The following LIPA variants were observed in gnomAD, a reference collection of about 807,000 sequenced individuals.
The protein encoded by LIPA is lipase A, lysosomal acid type.
Under a neutral mutation model 40.6 loss-of-function variants are expected in LIPA, and 26 were observed. The ratio of observed to expected loss-of-function variants is 0.64; its 90% CI spans 0.47 to 0.89. The LOEUF (loss-of-function observed/expected upper bound fraction) is 0.89, where lower values mean the gene tolerates loss of function less well. Ranked by LOEUF, LIPA falls within the 40% of genes least tolerant of loss-of-function variation. LIPA has a pLI of 0.00. For missense variants in LIPA, 455 were observed against 479.6 expected (o/e 0.95, Z 0.48); for synonymous variants, 188 against 168.4 (o/e 1.12, Z -0.90).
In LIPA at chr10:89,309,811, C is replaced by T. The variant is rs142294311; in HGVS notation, c.-2+32800G>A. Among the ~76,000 whole-genome samples the T allele has an allele frequency of 1.6e-4, 24 of 152,232 alleles. No individual in the cohort carries two copies. In the East Asian group the frequency reaches 4.6e-3, roughly 29 times the overall value. ...TCCAGTTTCCTGAAATTTCACTATC[C>T]AAGAATAACAAATGAAGTCACATTA... On this transcript the variant is annotated intron_variant, in intron 1 of 5. Coordinates refer to the LIPA transcript ENST00000282673.
chr10:89,390,175 G>A (rs1402625329), intron 2 of LIPA, among the ~76,000 whole-genome samples: 1 of 151,784 alleles, frequency 6.6e-6, no homozygotes, highest in African/African-American at 2.4e-5. Flanking sequence ...TAGTAGAGAC[G>A]GGGTTTCTCC....
chr10:89,340,175 G>A, intron 1 of LIPA: 1 of 1,519,480 alleles, frequency 6.6e-7, no homozygotes. Flanking sequence ...TGGTGGTTGT[G>A]ACGGGTAGGA....
At chr10:89,351,271 A>G (rs1470071233) in intron 2 of LIPA, among the ~76,000 whole-genome samples, 2 of 152,222 alleles carry the variant, frequency 1.3e-5, no homozygotes, top group African/African-American at 4.8e-5. Flanking sequence ...AGCTGTAATC[A>G]TGCCACTGCA....
chr10:89,262,477 G>T (rs1843215786), intron 1 of LIPA, among the ~76,000 whole-genome samples: 2 of 152,188 alleles, frequency 1.3e-5, no homozygotes, highest in South Asian at 4.1e-4. Context: ...TGAGCAAAGG[G>T]TCATGGAAAC....
intron 3 of LIPA, among the ~76,000 whole-genome samples, chr10:89,238,709 C>T (rs12782207): frequency 0.21 from 31,397 of 151,918 alleles, 3,521 homozygotes; most frequent in African/African-American, 0.3. Flanking sequence ...TAAATACATC[C>T]TATTTTCCTT....
At chr10:89,225,968 T>A (rs1842764870) in intron 5 of LIPA, among the ~76,000 whole-genome samples, 1 of 152,180 alleles carries the variant, frequency 6.6e-6, no homozygotes, top group Admixed American at 6.5e-5. Flanking sequence ...TAGCTCACAA[T>A]CCATTAAACT....
intron 1 of LIPA, among the ~76,000 whole-genome samples, chr10:89,263,345 G>A (rs1425788484): frequency 3.9e-5 from 6 of 152,206 alleles, no homozygotes; most frequent in African/African-American, 1.4e-4. Flanking sequence ...TACTTACTAA[G>A]TGCTCCATTT....
intron 1 of LIPA, chr10:89,308,898 A>G (rs1313723992): frequency 6.6e-6 from 1 of 152,194 alleles, no homozygotes; most frequent in Non-Finnish European, 1.5e-5. Context: ...TTCATTAATA[A>G]ATAACCTAAA....
intron 1 of LIPA, among the ~76,000 whole-genome samples, chr10:89,258,143 A>ACC (rs917190486): frequency 1.3e-5 from 2 of 152,186 alleles, no homozygotes; most frequent in African/African-American, 4.8e-5. Context: ...TGGGAAGTAG[A>ACC]CCCCCAATTG....
chr10:89,384,062 A>G (rs1166291638), intron 2 of LIPA: 1 of 1,614,238 alleles, frequency 6.2e-7, no homozygotes. Flanking sequence ...ATATCTTCAC[A>G]GGCCTATGTC....
At chr10:89,350,828 G>A (rs1843954684) in intron 2 of LIPA, among the ~76,000 whole-genome samples, 1 of 152,178 alleles carries the variant, frequency 6.6e-6, no homozygotes, top group Non-Finnish European at 1.5e-5. Flanking sequence ...GCCTGGGAAG[G>A]GAGGAGAGAT....
chr10:89,366,213 G>A (rs1170554199), intron 2 of LIPA, among the ~76,000 whole-genome samples: 8 of 152,082 alleles, frequency 5.3e-5, no homozygotes, highest in African/African-American at 9.7e-5. Context: ...CTTTGAAGCA[G>A]TTGTGAATGG....
chr10:89,231,193 C>T (rs1429126651), intron 3 of LIPA, among the ~76,000 whole-genome samples: 1 of 152,030 alleles, frequency 6.6e-6, no homozygotes, highest in Non-Finnish European at 1.5e-5. Flanking sequence ...GTGTAAAATA[C>T]CAAGGAAAAA....
intron 1 of LIPA, chr10:89,306,617 A>G (rs1305223950): frequency 1.9e-6 from 3 of 1,614,072 alleles, no homozygotes; most frequent in South Asian, 2.2e-5. Context: ...GAAGCTTCAT[A>G]AGATGCGTGA....
At chr10:89,221,212 A>G (rs1842693549) in intron 8 of LIPA, among the ~76,000 whole-genome samples, 1 of 152,212 alleles carries the variant, frequency 6.6e-6, no homozygotes, top group African/African-American at 2.4e-5. Context: ...CTTATACCTC[A>G]ATAAAAAATT....
chr10:89,232,840 C>T (rs1589561983), intron 3 of LIPA, among the ~76,000 whole-genome samples: 1 of 152,200 alleles, frequency 6.6e-6, no homozygotes, highest in East Asian at 1.9e-4. Context: ...TCAGGAAAGT[C>T]TTTAAACATC....
chr10:89,251,703 G>GCGGCGCCGGCACTCT (rs1564768238), intron 1 of LIPA, 34 bp downstream of exon 1: 1 of 152,330 alleles, frequency 6.6e-6, no homozygotes, highest in Non-Finnish European at 1.5e-5. Flanking sequence ...CGCCGCACCC[G>GCGGCGCCGGCACTCT]CACCTGGCAG....
At chr10:89,401,340 C>G (rs1334299533) in intron 2 of LIPA, among the ~76,000 whole-genome samples, 2 of 152,034 alleles carry the variant, frequency 1.3e-5, no homozygotes, top group Non-Finnish European at 2.9e-5. Context: ...CAGCTGGTCT[C>G]AAACTCCTGA....
At chr10:89,377,929 T>C in intron 2 of LIPA, 1 of 533,112 alleles carries the variant, frequency 1.9e-6, no homozygotes, top group South Asian at 2.9e-5. Flanking sequence ...GTATTTGTAA[T>C]CAAAGCAGAG....
Sources: gnomAD v4.1 joint callset for allele counts (sites outside exome capture counted in the v4.1 genomes callset) on GRCh38, gnomAD v4.1.1 for gene constraint, MANE v1.5 for transcripts, NCBI Gene and HGNC (gene_info 2026-07-23, HGNC 2026-07-21) for gene names.